GAN: variants seen among roughly 807,000 people sequenced by gnomAD.
GAN encodes the protein epididymis secretory sperm binding protein.
A neutral mutation model predicts 71.3 loss-of-function variants in GAN; 48 were observed. The observed-to-expected ratio is 0.67, with a 90% confidence interval of 0.53 to 0.86. The LOEUF (loss-of-function observed/expected upper bound fraction) is 0.86, where lower values mean the gene tolerates loss of function less well. Ranked by LOEUF, GAN falls within the 40% of genes least tolerant of loss-of-function variation. The probability of loss-of-function intolerance (pLI) is 0.00; values close to 1 mark genes in which losing one functional copy is unlikely to be tolerated. For synonymous variants in GAN, 386 were observed against 276.8 expected (o/e 1.39, Z -3.92); for missense variants, 928 against 770.1 (o/e 1.21, Z -2.43).
In GAN at chr16:81,315,175, G is replaced by A. The variant is rs1242438215; in HGVS notation, c.62G>A (p.Ser21Asn). The A allele has an allele frequency of 6.4e-7, 1 of 1,569,096 alleles. No individual in the cohort carries two copies. Among genetic ancestry groups the A allele is most frequent in the Non-Finnish European group, 8.6e-7 (1 of 1,160,022 alleles). Residue 21 changes from serine to asparagine, a missense_variant, in exon 1 of 11, where the codon AGC (serine) becomes AAC (asparagine). Transcript: ENST00000648994. The stretch of plus-strand genomic sequence containing the variant: ...GCCGCGCGTCTGCTGCGAGCGCTCA[G>A]CTCTTTCCGCGAGGAGTCTCGCTTC... ...QHAARLLRALSSFREESRFCD... is the reference protein window; with the variant it reads ...QHAARLLRALNSFREESRFCD...
chr16:81,365,682 T>C (rs1274803630), intron 9 of GAN, among the ~76,000 whole-genome samples: 1 of 151,248 alleles, frequency 6.6e-6, no homozygotes. Context: ...ATCTCTAATA[T>C]GTAGATGAGA....
In GAN at chr16:81,378,942, A is replaced by G. The variant is rs1904291949; in HGVS notation, c.*1346A>G. On this transcript the variant is annotated 3_prime_UTR_variant, in exon 11 of 11. Coordinates refer to ENST00000648994, the MANE Select transcript of GAN (RefSeq NM_022041.4). Reference sequence around the variant, plus strand: ...CCCTAGTGTGAAATCGGGGACTTCAAAGTGCTTGATTCCTTCCTAAATTGA... The same window carrying G: ...CCCTAGTGTGAAATCGGGGACTTCAGAGTGCTTGATTCCTTCCTAAATTGA... 1 of 152,348 alleles carries G rather than the reference A, an allele frequency of 6.6e-6. No individual in the cohort carries two copies. The highest frequency in any genetic ancestry group is 2.4e-5 in the African/African-American group (1 of 41,442). 9.4% of individuals were successfully genotyped at this position (152,348 alleles called of 1,614,324 possible).
chr16:81,322,772 G>A (rs1489672717), intron 1 of GAN, among the ~76,000 whole-genome samples: 4 of 152,124 alleles, frequency 2.6e-5, no homozygotes, highest in African/African-American at 9.7e-5. Flanking sequence ...AATAGTAAAT[G>A]GTTTAGTATT....
At position 81,386,152 on chromosome 16, in the gene GAN, A is replaced by G. The variant is rs1236547503; in HGVS notation, c.*8556A>G. 1.3e-5 allele frequency: 2 copies of G among 152,258 alleles called. No individual in the cohort carries two copies. Among genetic ancestry groups the G allele is most frequent in the African/African-American group, 4.8e-5 (2 of 41,470 alleles). The allele number at this position is 152,258 out of a possible 1,614,324, so 9.4% of individuals were successfully genotyped here. On this transcript the variant is annotated 3_prime_UTR_variant, in exon 11 of 11. Coordinates refer to ENST00000648994, the MANE Select transcript of GAN (RefSeq NM_022041.4). ...CTGAAACAGCCCAAAATATGTGTTT[A>G]GAATACTTAGAGTTTGTTATAAATA...
intron 9 of GAN, chr16:81,372,060 A>G (rs1031390580): frequency 6.6e-5 from 10 of 152,078 alleles, no homozygotes; most frequent in African/African-American, 2.2e-4. Context: ...CTTTTCCTCT[A>G]TAGCTCTCTT....
intron 5 of GAN, among the ~76,000 whole-genome samples, chr16:81,362,250 C>T (rs1218760462): frequency 6.6e-6 from 1 of 152,078 alleles, no homozygotes; most frequent in Non-Finnish European, 1.5e-5. Flanking sequence ...GCGGGTGACG[C>T]CAGGCTTCCT....
chr16:81,351,666 G>C lies in GAN; in HGVS notation c.251G>C (p.Arg84Thr). 2 of 1,536,236 alleles carry C rather than the reference G, an allele frequency of 1.3e-6. No individual in the cohort carries two copies. Among genetic ancestry groups the C allele is most frequent in the Non-Finnish European group, 1.8e-6 (2 of 1,108,958 alleles). ...ELEGISVMVM[R>T]EILDYIFSGQ... ...GAAGGGATATCGGTAATGGTTATGA[G>C]AGAGATCCTGGATTACATCTTCAGT... The change falls in exon 2 of 11, where the codon AGA (arginine) becomes ACA (threonine). Residue 84 changes from arginine to threonine, a missense_variant. By Grantham distance (71) the Arg-to-Thr change is moderately conservative. Transcript: ENST00000648994.
intron 1 of GAN, among the ~76,000 whole-genome samples, chr16:81,350,017 A>C (rs1910245947): frequency 6.6e-6 from 1 of 152,188 alleles, no homozygotes; most frequent in African/African-American, 2.4e-5. Context: ...TAAGTTCTTA[A>C]AACAAAAAGC....
intron 1 of GAN, among the ~76,000 whole-genome samples, chr16:81,343,386 G>A (rs562858799): frequency 6.6e-6 from 1 of 152,296 alleles, no homozygotes; most frequent in East Asian, 1.9e-4. Context: ...CTGGCAAGCC[G>A]AATCCAGCAG....
At chr16:81,375,001 C>CAG (rs1555512589) in intron 9 of GAN, among the ~76,000 whole-genome samples, 1 of 151,822 alleles carries the variant, frequency 6.6e-6, no homozygotes. Flanking sequence ...AAAGATAAAA[C>CAG]TAAAAGTTCC....
At chr16:81,337,722 T>C (rs16955071) in intron 1 of GAN, among the ~76,000 whole-genome samples, 3,232 of 152,376 alleles carry the variant, frequency 0.021, 60 homozygotes, top group East Asian at 0.082. Flanking sequence ...ACTTTTCTTA[T>C]GTCCTTTTTT....
chr16:81,351,574 C>T lies in GAN; in HGVS notation c.168-9C>T, dbSNP rs1263149383. The T allele has an allele frequency of 8.4e-7, 1 of 1,192,858 alleles. No individual in the cohort carries two copies. The highest frequency in any genetic ancestry group is 1.3e-6 in the Non-Finnish European group (1 of 796,296). 73.9% of individuals were successfully genotyped at this position (1,192,858 alleles called of 1,614,324 possible). On this transcript the variant is annotated splice_polypyrimidine_tract_variant and intron_variant, in intron 1 of 10. Coordinates refer to ENST00000648994, the MANE Select transcript of GAN (RefSeq NM_022041.4). ...TCATAGAAATTTTACATTTTTTTCC[C>T]TTTCTTAGGACAAAGTTAAACTATA... is the stretch of plus-strand genomic sequence containing the variant.
chr16:81,332,485 C>CT (rs1423109023), intron 1 of GAN, among the ~76,000 whole-genome samples: 1 of 152,194 alleles, frequency 6.6e-6, no homozygotes, highest in African/African-American at 2.4e-5. Context: ...TACTGTAATG[C>CT]TTTTGCTGTC....
chr16:81,338,176 T>A (rs1198556258), intron 1 of GAN, among the ~76,000 whole-genome samples: 1 of 152,242 alleles, frequency 6.6e-6, no homozygotes, highest in Non-Finnish European at 1.5e-5. Flanking sequence ...TTTATAATAC[T>A]TTCTATTGTT....
chr16:81,369,660 C>T (rs1268817147), intron 9 of GAN, among the ~76,000 whole-genome samples: 1 of 152,160 alleles, frequency 6.6e-6, no homozygotes, highest in Non-Finnish European at 1.5e-5. Context: ...GGCGTGATCT[C>T]GGCTCACTGC....
At chr16:81,349,177 C>T (rs1273318753) in intron 1 of GAN, among the ~76,000 whole-genome samples, 1 of 152,122 alleles carries the variant, frequency 6.6e-6, no homozygotes, top group African/African-American at 2.4e-5. Flanking sequence ...TTTAGCTTAT[C>T]TTTCACCCCC....
intron 1 of GAN, among the ~76,000 whole-genome samples, chr16:81,339,825 G>A (rs1020690311): frequency 6.6e-6 from 1 of 152,120 alleles, no homozygotes; most frequent in African/African-American, 2.4e-5. Context: ...ATGGTATTGG[G>A]GGAGGTTAAG....
At chr16:81,365,601 T>C (rs1341564255) in intron 9 of GAN, 123 bp downstream of exon 9, 4 of 909,330 alleles carry the variant, frequency 4.4e-6, no homozygotes, top group Non-Finnish European at 7.3e-6. Flanking sequence ...AGATAACGTC[T>C]CATGCATACT....
intron 1 of GAN, among the ~76,000 whole-genome samples, chr16:81,336,845 C>G (rs372910536): frequency 6.6e-6 from 1 of 152,096 alleles, no homozygotes. Context: ...TATCCCCTTT[C>G]CCCCATCCCT....
Sources: allele counts gnomAD v4.1 joint callset (sites outside exome capture counted in the v4.1 genomes callset), GRCh38; gene constraint gnomAD v4.1.1; transcripts MANE v1.5; gene names NCBI Gene and HGNC (gene_info 2026-07-23, HGNC 2026-07-21).